Variants in EVA1C observed in about 807,000 individuals in gnomAD.
The protein encoded by EVA1C is protein eva-1 homolog C.
A neutral mutation model predicts 45.4 loss-of-function variants in EVA1C; 25 were observed. The observed-to-expected ratio is 0.55, with a 90% CI of 0.40 to 0.77. The LOEUF is 0.77. EVA1C is among the 30% of genes least tolerant of loss of function. The pLI, the probability that EVA1C is intolerant of heterozygous loss-of-function variation, is 0.00. For synonymous variants in EVA1C, 190 were observed against 221.2 expected (o/e 0.86, Z 1.25); for missense variants, 479 against 554.8 (o/e 0.86, Z 1.37).
intron 7 of EVA1C, among the ~76,000 whole-genome samples, chr21:32,505,219 T>C (rs2037687261): frequency 6.6e-6 from 1 of 151,990 alleles, no homozygotes; most frequent in Non-Finnish European, 1.5e-5. Context: ...AGTCTTGGGG[T>C]CCCCTGCTGT....
intron 1 of EVA1C, among the ~76,000 whole-genome samples, chr21:32,438,151 G>A (rs1263209783): frequency 6.6e-6 from 1 of 152,114 alleles, no homozygotes; most frequent in Non-Finnish European, 1.5e-5. Flanking sequence ...CATTCATGCA[G>A]GGTCCTAGTT....
rs751913467 is a variant in EVA1C at position 32,496,761 on chromosome 21, G to A, written c.778+1591G>A. On this transcript the variant is annotated intron_variant, in intron 5 of 7. Transcript: ENST00000300255. ...TAAGGTGTAGTTTTGGCCGGGGACC[G>A]GGAAAGCTGAGACACTGCTGGGCTG... The A allele has an allele frequency of 8.2e-4, 540 of 660,056 alleles. 4 individuals are homozygous for A. The highest frequency in any genetic ancestry group is 2.1e-3 in the Middle Eastern group (5 of 2,426). The allele number at this position is 660,056 out of a possible 1,614,324, so 40.9% of individuals were successfully genotyped here.
chr21:32,498,027 T>C lies in EVA1C; in HGVS notation c.778+2857T>C, dbSNP rs568378897. Among the ~76,000 whole-genome samples the C allele has an allele frequency of 2.0e-4, 30 of 152,190 alleles. 1 individual carries two copies. The highest frequency in any genetic ancestry group is 1.0e-4 in the Non-Finnish European group (7 of 68,020). On this transcript the variant is annotated intron_variant, in intron 5 of 7. Coordinates refer to ENST00000300255, the MANE Select transcript of EVA1C (RefSeq NM_058187.5). ...CCAAACCACATCACTAATGCTGAGA[T>C]GAAGGTGAGCTTTCAGGGCCTGGGG...
chr21:32,477,966 G>A (rs1407707169), intron 4 of EVA1C, among the ~76,000 whole-genome samples: 2 of 134,210 alleles, frequency 1.5e-5, no homozygotes, highest in African/African-American at 2.8e-5. Context: ...TCTGCCATAC[G>A]CTGTCCCCTC....
Position 32,503,919 on chromosome 21 carries a change from G to C in EVA1C, c.860-7G>C, listed in dbSNP as rs754389478. ...GATTAATTGGTCTTGCATTTTTCATGAAACAGGTATAAACTTCGACCCAAG... is the reference window on the plus strand; with the variant it reads ...GATTAATTGGTCTTGCATTTTTCATCAAACAGGTATAAACTTCGACCCAAG... On this transcript the variant is annotated splice_polypyrimidine_tract_variant and splice_region_variant and intron_variant, in intron 6 of 7. Transcript: ENST00000300255. The C allele has an allele frequency of 9.3e-6, 15 of 1,604,534 alleles. No individual in the cohort carries two copies. Among genetic ancestry groups the C allele is most frequent in the Non-Finnish European group, 1.2e-5 (14 of 1,175,442 alleles).
At chr21:32,505,750 G>A (rs1407972800) in intron 7 of EVA1C, among the ~76,000 whole-genome samples, 2 of 152,214 alleles carry the variant, frequency 1.3e-5, no homozygotes, top group African/African-American at 2.4e-5. Context: ...ATGGCAGAGA[G>A]GGGGAGAGAC....
intron 1 of EVA1C, among the ~76,000 whole-genome samples, chr21:32,435,989 GT>G (rs556394857): frequency 4.6e-5 from 7 of 152,162 alleles, no homozygotes; most frequent in Admixed American, 3.3e-4. Context: ...TTGCATGTGG[GT>G]TTTTTTTGCC....
chr21:32,497,358 G>C, intron 5 of EVA1C: 1 of 429,028 alleles, frequency 2.3e-6, no homozygotes, highest in South Asian at 2.5e-5. Context: ...GAAACCATGG[G>C]TTTCCTGGGG....
intron 7 of EVA1C, among the ~76,000 whole-genome samples, chr21:32,507,448 ATGCGTG>A (rs1191892153): frequency 6.9e-6 from 1 of 144,762 alleles, no homozygotes; most frequent in Non-Finnish European, 1.5e-5. Context: ...ATAGGTGTCT[ATGCGTG>A]TGCGTGTGTG....
intron 4 of EVA1C, among the ~76,000 whole-genome samples, chr21:32,480,531 G>A (rs968446899): frequency 6.6e-6 from 1 of 152,064 alleles, no homozygotes; most frequent in African/African-American, 2.4e-5. Flanking sequence ...CTAGGTGACA[G>A]AGCCATGGAT....
intron 1 of EVA1C, among the ~76,000 whole-genome samples, chr21:32,439,065 G>A (rs1180608451): frequency 2.0e-5 from 3 of 150,932 alleles, no homozygotes; most frequent in African/African-American, 4.9e-5. Context: ...GTGAAACTCC[G>A]TCTCTACCTA....
At chr21:32,477,322 G>A (rs77753480) in intron 4 of EVA1C, among the ~76,000 whole-genome samples, 2 of 152,138 alleles carry the variant, frequency 1.3e-5, no homozygotes, top group Non-Finnish European at 2.9e-5. Flanking sequence ...CCCACAGTTT[G>A]AGGATTTCAT....
At chr21:32,506,673 G>A (rs2037731137) in intron 7 of EVA1C, among the ~76,000 whole-genome samples, 1 of 152,130 alleles carries the variant, frequency 6.6e-6, no homozygotes, top group Non-Finnish European at 1.5e-5. Context: ...GAGGTGGGAA[G>A]CATGCAGTGC....
intron 1 of EVA1C, among the ~76,000 whole-genome samples, chr21:32,437,374 C>G (rs1184420516): frequency 6.6e-6 from 1 of 152,140 alleles, no homozygotes; most frequent in Non-Finnish European, 1.5e-5. Context: ...TTCCTCATTT[C>G]TCCCCCGGAG....
At chr21:32,495,703 C>T (rs2037331404) in intron 5 of EVA1C, among the ~76,000 whole-genome samples, 1 of 152,200 alleles carries the variant, frequency 6.6e-6, no homozygotes, top group African/African-American at 2.4e-5. Flanking sequence ...ACTTTGTTTT[C>T]CTGATGTCTT....
chr21:32,427,763 ATC>A (rs2034546436), intron 1 of EVA1C, among the ~76,000 whole-genome samples: 1 of 151,718 alleles, frequency 6.6e-6, no homozygotes, highest in South Asian at 2.1e-4. Context: ...CATACCTATA[ATC>A]TCAGCACTGT....
At position 32,457,472 on chromosome 21, in the gene EVA1C, A is replaced by G. The variant is rs564819021; in HGVS notation, c.358-125A>G. The G allele has an allele frequency of 4.5e-4, 486 of 1,076,704 alleles. 1 individual carries two copies. Among genetic ancestry groups the G allele is most frequent in the South Asian group, 3.3e-4 (24 of 72,958 alleles). The allele number at this position is 1,076,704 out of a possible 1,614,324, so 66.7% of individuals were successfully genotyped here. A position where few individuals can be genotyped will look rare whatever the true frequency, so the allele number is the denominator to read the frequency against. ...ACCCACGTCTATGCTCTTTGGCCTT[A>G]GACACAGCTTGGCCAGGTGGGGAGG... On this transcript the variant is annotated intron_variant, in intron 2 of 7. Coordinates refer to ENST00000300255, the MANE Select transcript of EVA1C (RefSeq NM_058187.5).
intron 4 of EVA1C, among the ~76,000 whole-genome samples, chr21:32,494,285 G>C (rs547459097): frequency 1.3e-5 from 2 of 152,346 alleles, no homozygotes; most frequent in South Asian, 4.1e-4. Flanking sequence ...TGGGCGAGGT[G>C]TGAGAATTAG....
chr21:32,467,440 C>T (rs929434954), intron 3 of EVA1C, among the ~76,000 whole-genome samples: 1 of 152,154 alleles, frequency 6.6e-6, no homozygotes, highest in African/African-American at 2.4e-5. Flanking sequence ...GCTTCCTTAA[C>T]GCCAGCACCT....
Sources: gnomAD v4.1 joint callset for allele counts (sites outside exome capture counted in the v4.1 genomes callset) on GRCh38, gnomAD v4.1.1 for gene constraint, MANE v1.5 for transcripts, NCBI Gene and HGNC (gene_info 2026-07-23, HGNC 2026-07-21) for gene names.